Variants in NTM observed in about 807,000 individuals in gnomAD.
The protein encoded by NTM is IgLON family member 2.
A neutral mutation model predicts 42.1 loss-of-function variants in NTM; 13 were observed. The observed-to-expected ratio is 0.31, with a 90% CI of 0.20 to 0.49. The LOEUF is 0.49. NTM is among the 20% of genes least tolerant of loss of function. The pLI, the probability that NTM is intolerant of heterozygous loss-of-function variation, is 0.99. For synonymous variants in NTM, 187 were observed against 179.2 expected (o/e 1.04, Z -0.35); for missense variants, 373 against 452.8 (o/e 0.82, Z 1.60).
intron 1 of NTM, chr11:131,795,067 G>A (rs1332396685): frequency 1.3e-6 from 1 of 746,442 alleles, no homozygotes; most frequent in Non-Finnish European, 1.6e-6. Context: ...CACTAGTGAT[G>A]TGGTCTTTAT....
At chr11:131,444,304 T>A (rs578064341) in intron 1 of NTM, among the ~76,000 whole-genome samples, 1 of 151,546 alleles carries the variant, frequency 6.6e-6, no homozygotes, top group South Asian at 2.1e-4. Flanking sequence ...CAGGGGCAAC[T>A]TGACATTATA....
intron 2 of NTM, among the ~76,000 whole-genome samples, chr11:132,084,609 A>G (rs952544712): frequency 6.6e-6 from 1 of 152,170 alleles, no homozygotes; most frequent in Non-Finnish European, 1.5e-5. Context: ...GATGTTGTGA[A>G]CTAGAATTTC....
At chr11:131,750,342 AC>A (rs1402546836) in intron 1 of NTM, among the ~76,000 whole-genome samples, 1 of 152,104 alleles carries the variant, frequency 6.6e-6, no homozygotes, top group Non-Finnish European at 1.5e-5. Flanking sequence ...ATTGCCACAT[AC>A]CCATGTGTTT....
chr11:131,753,266 A>C lies in NTM; in HGVS notation c.83-158298A>C, dbSNP rs548064468. ...ACAGGTGCTGGAGAGGATATGGAGA[A>C]ATAGGAACACTTTTACACTGTTGGT... On this transcript the variant is annotated intron_variant, in intron 1 of 8. Transcript: ENST00000683400. Among the ~76,000 whole-genome samples the C allele has an allele frequency of 3.3e-5, 5 of 152,238 alleles. No individual in the cohort carries two copies. The East Asian group carries it at 9.7e-4, about 29-fold the overall frequency.
At chr11:132,138,835 G>A (rs2137207707) in intron 2 of NTM, among the ~76,000 whole-genome samples, 1 of 152,194 alleles carries the variant, frequency 6.6e-6, no homozygotes, top group Non-Finnish European at 1.5e-5. Flanking sequence ...GGGGAGGGTG[G>A]GTCTTATTTA....
chr11:131,511,911 C>G (rs1304318982), intron 1 of NTM, among the ~76,000 whole-genome samples: 1 of 152,172 alleles, frequency 6.6e-6, no homozygotes, highest in Non-Finnish European at 1.5e-5. Flanking sequence ...AGAGCCTGTC[C>G]ACACCTGGGA....
chr11:132,231,496 G>C (rs1446884521), intron 4 of NTM, among the ~76,000 whole-genome samples: 6 of 152,186 alleles, frequency 3.9e-5, no homozygotes, highest in Non-Finnish European at 5.9e-5. Context: ...AATTTGCATA[G>C]ACACAGAAGT....
At chr11:131,742,706 A>C (rs1390877849) in intron 1 of NTM, among the ~76,000 whole-genome samples, 1 of 152,246 alleles carries the variant, frequency 6.6e-6, no homozygotes, top group Non-Finnish European at 1.5e-5. Flanking sequence ...ACTAAAATTA[A>C]AAAATTTTCT....
chr11:132,181,284 G>C (rs2077539932), intron 3 of NTM, among the ~76,000 whole-genome samples: 1 of 152,048 alleles, frequency 6.6e-6, no homozygotes, highest in Non-Finnish European at 1.5e-5. Flanking sequence ...TTCCACATTT[G>C]AATCTTCCTT....
At chr11:131,675,556 CAT>C (rs2071232796) in intron 1 of NTM, among the ~76,000 whole-genome samples, 1 of 152,160 alleles carries the variant, frequency 6.6e-6, no homozygotes, top group Non-Finnish European at 1.5e-5. Flanking sequence ...AGGATTATCT[CAT>C]TTTAACCAAA....
intron 1 of NTM, among the ~76,000 whole-genome samples, chr11:131,832,098 C>A (rs1488750169): frequency 6.6e-6 from 1 of 151,164 alleles, no homozygotes; most frequent in Non-Finnish European, 1.5e-5. Flanking sequence ...GTTCCAAAAC[C>A]TACTCAAACT....
intron 1 of NTM, among the ~76,000 whole-genome samples, chr11:131,716,445 C>T (rs1186815022): frequency 2.0e-5 from 3 of 152,052 alleles, no homozygotes; most frequent in Non-Finnish European, 4.4e-5. Context: ...TAAGAAATTC[C>T]CTGTTTTCCA....
chr11:131,420,715 CA>C (rs1383906961), intron 1 of NTM, among the ~76,000 whole-genome samples: 5 of 152,158 alleles, frequency 3.3e-5, no homozygotes, highest in Non-Finnish European at 7.3e-5. Context: ...AAGGCTTGGG[CA>C]TCTGGAAGTG....
chr11:131,558,219 C>G (rs539882684), intron 1 of NTM, among the ~76,000 whole-genome samples: 2 of 152,244 alleles, frequency 1.3e-5, no homozygotes, highest in Admixed American at 1.3e-4. Flanking sequence ...TCCTTGGGAG[C>G]AGCACAGAGC....
intron 2 of NTM, among the ~76,000 whole-genome samples, chr11:131,982,497 G>C (rs192387907): frequency 1.7e-3 from 254 of 152,204 alleles, no homozygotes; most frequent in Middle Eastern, 3.4e-3. Context: ...GAAAGTTCAG[G>C]AGCAGCTGGG....
intron 7 of NTM, among the ~76,000 whole-genome samples, chr11:132,322,283 C>T (rs1413438974): frequency 3.3e-5 from 5 of 151,830 alleles, no homozygotes; most frequent in East Asian, 1.9e-4. Context: ...TCAGGAAACC[C>T]ATCTCATGTG....
intron 4 of NTM, among the ~76,000 whole-genome samples, chr11:132,243,267 CTT>C (rs2090521563): frequency 6.6e-6 from 1 of 152,174 alleles, no homozygotes; most frequent in Non-Finnish European, 1.5e-5. Flanking sequence ...AGTCAGTAAA[CTT>C]TGATTTGTCT....
intron 1 of NTM, among the ~76,000 whole-genome samples, chr11:131,448,402 G>A (rs912462576): frequency 6.6e-6 from 1 of 152,228 alleles, no homozygotes; most frequent in Non-Finnish European, 1.5e-5. Flanking sequence ...CCAACATGAT[G>A]CAGGCTGGCA....
chr11:131,706,497 A>T (rs1211743725), intron 1 of NTM, among the ~76,000 whole-genome samples: 1 of 152,014 alleles, frequency 6.6e-6, no homozygotes, highest in Non-Finnish European at 1.5e-5. Flanking sequence ...TAACCTAAAA[A>T]ACATAAAGAA....
Sources: allele counts gnomAD v4.1 joint callset (sites outside exome capture counted in the v4.1 genomes callset), GRCh38; gene constraint gnomAD v4.1.1; transcripts MANE v1.5; gene names NCBI Gene and HGNC (gene_info 2026-07-23, HGNC 2026-07-21).